PPARGC1B: variants seen among roughly 807,000 people sequenced by gnomAD.
The protein encoded by PPARGC1B is PPARG coactivator 1 beta, also known as peroxisome proliferator-activated receptor gamma coactivator 1-beta.
PPARGC1B carries 34 observed loss-of-function variants against 101.6 expected under a neutral mutation model. The ratio of observed to expected loss-of-function variants is 0.33; its 90% confidence interval spans 0.25 to 0.45. PPARGC1B has a LOEUF of 0.45. Ranked by LOEUF, PPARGC1B falls within the 20% of genes least tolerant of loss-of-function variation. The pLI is 1.00. For synonymous variants in PPARGC1B, 548 were observed against 539.3 expected, an observed-to-expected ratio of 1.02 and a Z score of -0.22; for missense variants, 1,234 against 1,317.6, an observed-to-expected ratio of 0.94 and a Z score of 0.98.
At chr5:149,733,164 T>G (rs1260131516) in intron 1 of PPARGC1B, among the ~76,000 whole-genome samples, 1 of 152,248 alleles carries the variant, frequency 6.6e-6, no homozygotes, top group Non-Finnish European at 1.5e-5. Flanking sequence ...TTCATTGTCT[T>G]TGTCCCAAAA....
chr5:149,836,633 T>C lies in PPARGC1B; in HGVS notation c.2178T>C (p.Gly726=), dbSNP rs748396254. The C allele has an allele frequency of 6.2e-7, 1 of 1,613,788 alleles. No homozygotes were observed. The highest frequency in any genetic ancestry group is 2.2e-5 in the East Asian group (1 of 44,866). Residue 726 remains glycine (G), a synonymous_variant, in exon 8 of 12, where the codon GGT becomes GGC. Coordinates refer to ENST00000309241, the MANE Select transcript of PPARGC1B (RefSeq NM_133263.4). Reference sequence around the variant, plus strand: ...ACCTTGAGGACTGGCCCCAGCAGGGTGCCCCTTGGGCTGAGGCACAGGCCC... The same window carrying C: ...ACCTTGAGGACTGGCCCCAGCAGGGCGCCCCTTGGGCTGAGGCACAGGCCC... ...GVHLEDWPQQ[G]APWAEAQAPG... is the part of the protein sequence containing the mutation.
intron 1 of PPARGC1B, among the ~76,000 whole-genome samples, chr5:149,790,169 G>A (rs1477987442): frequency 6.6e-6 from 1 of 152,188 alleles, no homozygotes; most frequent in Non-Finnish European, 1.5e-5. Flanking sequence ...GCTTGGTAAT[G>A]TACTAAATAC....
chr5:149,769,376 C>T (rs574340485), intron 1 of PPARGC1B, among the ~76,000 whole-genome samples: 11 of 152,300 alleles, frequency 7.2e-5, no homozygotes, highest in South Asian at 2.1e-4. Flanking sequence ...CACTGCATAA[C>T]GTCTTATACT....
At chr5:149,835,469 C>A in intron 7 of PPARGC1B, 104 bp downstream of exon 7, 1 of 994,558 alleles carries the variant, frequency 1.0e-6, no homozygotes, top group Non-Finnish European at 1.6e-6. Flanking sequence ...GAACGATGCG[C>A]AAGATGCCTG....
intron 9 of PPARGC1B, among the ~76,000 whole-genome samples, chr5:149,841,546 T>G (rs574905468): frequency 6.6e-6 from 1 of 152,274 alleles, no homozygotes; most frequent in African/African-American, 2.4e-5. Context: ...GACAAGAAAC[T>G]GTGTGTTTTT....
chr5:149,783,905 C>A (rs1334103374), intron 1 of PPARGC1B, among the ~76,000 whole-genome samples: 1 of 152,104 alleles, frequency 6.6e-6, no homozygotes, highest in Non-Finnish European at 1.5e-5. Context: ...ATACCCATGG[C>A]AGTAACCATG....
intron 1 of PPARGC1B, among the ~76,000 whole-genome samples, chr5:149,816,474 A>G (rs1234896112): frequency 6.6e-6 from 1 of 152,242 alleles, no homozygotes; most frequent in African/African-American, 2.4e-5. Flanking sequence ...ATGAAGTTCT[A>G]AAAGTTAAGT....
intron 1 of PPARGC1B, among the ~76,000 whole-genome samples, chr5:149,754,060 G>T (rs1755418676): frequency 6.6e-6 from 1 of 152,192 alleles, no homozygotes. Context: ...ATCAGTTTAT[G>T]TTTCTGTAGA....
chr5:149,836,389 AGGCCACCCCAGG>A lies in PPARGC1B; in HGVS notation c.1938_1949del (p.Thr647_Ala650del). ...CCCTCCCCTGAGGGCCTCTCACTCA[AGGCCACCCCAGG>A]GGCTGCCCACAAGCTGCCAAAGAAG... On this transcript the variant is annotated inframe_deletion, in exon 8 of 12. Coordinates refer to ENST00000309241, the MANE Select transcript of PPARGC1B (RefSeq NM_133263.4). 6.2e-7 allele frequency: 1 copy of A among 1,614,052 alleles called. No individual in the cohort carries two copies. Among genetic ancestry groups the A allele is most frequent in the Non-Finnish European group, 8.5e-7 (1 of 1,180,022 alleles).
At chr5:149,836,239 AC>A in intron 7 of PPARGC1B, 23 bp from the exon 8 acceptor site, 5 of 1,517,470 alleles carry the variant, frequency 3.3e-6, no homozygotes, top group Non-Finnish European at 4.4e-6. Context: ...TCTTTATCTT[AC>A]CTTTCTCCTC....
intron 1 of PPARGC1B, among the ~76,000 whole-genome samples, chr5:149,810,913 T>C (rs190757931): frequency 2.6e-5 from 4 of 152,282 alleles, no homozygotes; most frequent in Admixed American, 6.5e-5. Context: ...TGTGTTATGG[T>C]AGTCCATCAT....
chr5:149,839,118 C>T (rs183548802), intron 8 of PPARGC1B, among the ~76,000 whole-genome samples: 22 of 152,264 alleles, frequency 1.4e-4, no homozygotes, highest in Non-Finnish European at 2.4e-4. Flanking sequence ...AGCTGAGGCT[C>T]AAAGAGATTA....
intron 1 of PPARGC1B, among the ~76,000 whole-genome samples, chr5:149,799,854 C>T (rs1314740152): frequency 6.6e-6 from 1 of 151,896 alleles, no homozygotes; most frequent in African/African-American, 2.4e-5. Flanking sequence ...TACGCCACCA[C>T]ACCTGGCTAA....
downstream of PPARGC1B, among the ~76,000 whole-genome samples, chr5:149,856,120 TAAATA>T (rs1332246696): frequency 5.3e-5 from 8 of 152,212 alleles, no homozygotes; most frequent in African/African-American, 1.4e-4. Flanking sequence ...TCAAAATAAA[TAAATA>T]AAATAAGAAC....
In PPARGC1B at chr5:149,783,298, G is replaced by C. The variant is rs1561533763; in HGVS notation, c.79-37135G>C. Reference sequence around the variant, plus strand: ...TGGGCTGCACAGTTTTTCATAAAGAGAGTAGCATATCAGAGTAAAGGGGAT... The same window carrying C: ...TGGGCTGCACAGTTTTTCATAAAGACAGTAGCATATCAGAGTAAAGGGGAT... On this transcript the variant is annotated intron_variant, in intron 1 of 11. Coordinates refer to ENST00000309241, the MANE Select transcript of PPARGC1B (RefSeq NM_133263.4). Among the ~76,000 whole-genome samples, 4 of 152,180 alleles carry C rather than the reference G, an allele frequency of 2.6e-5. No homozygotes were observed. In the South Asian group the frequency reaches 8.3e-4, roughly 32 times the overall value.
rs1158617814 is a variant in PPARGC1B at position 149,847,918 on chromosome 5, T to G, written c.*360T>G. 3.7e-6 allele frequency: 1 copy of G among 270,866 alleles called. No homozygotes were observed. The highest frequency in any genetic ancestry group is 4.8e-5 in the Admixed American group (1 of 20,914). The allele number at this position is 270,866 out of a possible 1,614,324, so 16.8% of individuals were successfully genotyped here. On this transcript the variant is annotated 3_prime_UTR_variant, in exon 12 of 12. Transcript: ENST00000309241. Reference sequence around the variant, plus strand: ...GCTGTGTTCACCATAACATTTCTTGTCTGTAGTGTGTGATGATGAAATTGT... The same window carrying G: ...GCTGTGTTCACCATAACATTTCTTGGCTGTAGTGTGTGATGATGAAATTGT...
chr5:149,731,124 C>T (rs561816779), intron 1 of PPARGC1B, among the ~76,000 whole-genome samples: 2 of 152,284 alleles, frequency 1.3e-5, no homozygotes, highest in African/African-American at 2.4e-5. Context: ...GGCCCCGGTG[C>T]GCGCTCCACG....
intron 1 of PPARGC1B, among the ~76,000 whole-genome samples, chr5:149,736,370 T>G (rs1340732677): frequency 6.6e-6 from 1 of 150,938 alleles, no homozygotes; most frequent in East Asian, 1.9e-4. Flanking sequence ...ATGCAATCTT[T>G]TTTTTTTTTT....
At chr5:149,772,147 T>C (rs542760931) in intron 1 of PPARGC1B, 10 of 1,606,380 alleles carry the variant, frequency 6.2e-6, no homozygotes, top group Non-Finnish European at 8.5e-6. Context: ...ATGGTAGGTG[T>C]TGGGCCAGAG....
Sources: allele counts gnomAD v4.1 joint callset (sites outside exome capture counted in the v4.1 genomes callset), GRCh38; gene constraint gnomAD v4.1.1; transcripts MANE v1.5; gene names NCBI Gene and HGNC (gene_info 2026-07-23, HGNC 2026-07-21).